PIK3C3: variants seen among roughly 807,000 people sequenced by gnomAD.
PIK3C3 encodes the protein PI3-kinase type 3.
A neutral mutation model predicts 126.1 loss-of-function variants in PIK3C3; 95 were observed. The ratio of observed to expected loss-of-function variants is 0.75; its 90% CI spans 0.64 to 0.89. PIK3C3 has a LOEUF of 0.89. Ranked by LOEUF, PIK3C3 falls within the 40% of genes least tolerant of loss-of-function variation. The probability of loss-of-function intolerance (pLI) is 0.00; values close to 1 mark genes in which losing one functional copy is unlikely to be tolerated. For missense variants in PIK3C3, 829 were observed against 1,063.2 expected, an observed-to-expected ratio of 0.78 and a Z score of 3.06; for synonymous variants, 374 against 360.0, an observed-to-expected ratio of 1.04 and a Z score of -0.44.
chr18:42,064,728 G>C lies in PIK3C3; in HGVS notation c.2433-12G>C. ...AATCGTTGCTATTTTTTTCTTTTCT[G>C]CTCTTCTTTAGGTATTCTAATCTGA... On this transcript the variant is annotated splice_polypyrimidine_tract_variant and intron_variant, in intron 22 of 24. Coordinates refer to ENST00000262039, the MANE Select transcript of PIK3C3 (RefSeq NM_002647.4). 1 of 1,384,668 alleles carries C rather than the reference G, an allele frequency of 7.2e-7. No individual in the cohort carries two copies. The highest frequency in any genetic ancestry group is 1.2e-5 in the South Asian group (1 of 83,664). 85.8% of individuals were successfully genotyped at this position (1,384,668 alleles called of 1,614,324 possible). A position where few individuals can be genotyped will look rare whatever the true frequency, so the allele number is the denominator to read the frequency against.
chr18:42,065,210 A>G (rs1176918650), intron 23 of PIK3C3, among the ~76,000 whole-genome samples: 1 of 152,084 alleles, frequency 6.6e-6, no homozygotes, highest in Non-Finnish European at 1.5e-5. Flanking sequence ...TCTTTTTTTT[A>G]ATAACTAGAT....
chr18:42,022,549 A>G (rs1186024592), intron 13 of PIK3C3, among the ~76,000 whole-genome samples: 2 of 152,110 alleles, frequency 1.3e-5, no homozygotes, highest in Non-Finnish European at 2.9e-5. Flanking sequence ...TTAAGCCTTT[A>G]TGGTTCTCTT....
rs191993925 is a variant in PIK3C3 at position 41,993,353 on chromosome 18, T to C, written c.786+12T>C. The C allele has an allele frequency of 1.3e-5, 21 of 1,563,016 alleles. No homozygotes were observed. The Admixed American group carries it at 3.5e-4, about 26-fold the overall frequency. ...CCCAGATGTCTATGGTAAGTTATTGTGCAATTTTTTTATGAAAGTACTTTT... is the reference window on the plus strand; with the variant it reads ...CCCAGATGTCTATGGTAAGTTATTGCGCAATTTTTTTATGAAAGTACTTTT... On this transcript the variant is annotated intron_variant, in intron 7 of 24. Transcript: ENST00000262039.
rs1446495173 is a variant in PIK3C3 at position 42,086,803 on chromosome 18, A to T, written c.*5666A>T. On this transcript the variant is annotated 3_prime_UTR_variant, in exon 25 of 25. Coordinates refer to ENST00000262039, the MANE Select transcript of PIK3C3 (RefSeq NM_002647.4). ...CTTGTTTAGCATATGATCAAGAAAT[A>T]ATCATTAAAAAATAGCCAACCAGCA... The T allele has an allele frequency of 1.3e-4, 20 of 152,162 alleles. No homozygotes were observed. 9.4% of individuals were successfully genotyped at this position (152,162 alleles called of 1,614,324 possible). A position where few individuals can be genotyped will look rare whatever the true frequency, so the allele number is the denominator to read the frequency against.
chr18:42,045,021 C>G (rs1486854685), intron 20 of PIK3C3, among the ~76,000 whole-genome samples: 4 of 152,120 alleles, frequency 2.6e-5, no homozygotes, highest in Non-Finnish European at 4.4e-5. Flanking sequence ...TGTGAAGTCA[C>G]CTTCCAAATT....
intron 22 of PIK3C3, among the ~76,000 whole-genome samples, chr18:42,060,289 A>T (rs1342018305): frequency 6.6e-6 from 1 of 152,178 alleles, no homozygotes; most frequent in Non-Finnish European, 1.5e-5. Context: ...ATTGTACCAC[A>T]TAAGCAGAGT....
At chr18:42,015,603 A>G in intron 12 of PIK3C3, 37 bp downstream of exon 12, 1 of 1,367,872 alleles carries the variant, frequency 7.3e-7, no homozygotes, top group Non-Finnish European at 1.0e-6. Context: ...TATAGGAGAG[A>G]TCCTACTGCA....
In PIK3C3 at chr18:42,047,484, T is replaced by C. The variant is rs143315796; in HGVS notation, c.2189-2047T>C. Among the ~76,000 whole-genome samples the C allele has an allele frequency of 2.0e-3, 298 of 152,274 alleles. 2 individuals are homozygous for C. Among genetic ancestry groups the C allele is most frequent in the Non-Finnish European group, 3.6e-3 (247 of 68,014 alleles). ...TTTTCAATGGGGAGTCTGTAGTCATTTTTGAAATTGCATGTATTGTGGCAG... is the reference window on the plus strand; with the variant it reads ...TTTTCAATGGGGAGTCTGTAGTCATCTTTGAAATTGCATGTATTGTGGCAG... On this transcript the variant is annotated intron_variant, in intron 20 of 24. Transcript: ENST00000262039.
At chr18:42,043,273 A>G (rs953626378) in intron 19 of PIK3C3, among the ~76,000 whole-genome samples, 1 of 151,900 alleles carries the variant, frequency 6.6e-6, no homozygotes, top group African/African-American at 2.4e-5. Flanking sequence ...TTTGTATTTT[A>G]GTAGAGACTG....
Position 41,964,420 on chromosome 18 carries a change from T to C in PIK3C3, c.401+1788T>C, listed in dbSNP as rs1980253383. On this transcript the variant is annotated intron_variant, in intron 3 of 24. Transcript: ENST00000262039. Reference sequence around the variant, plus strand: ...CAGATTATTTAATCTTATGCCTCAATGTCTTCATATGTTAAATGAAAGAAC... The same window carrying C: ...CAGATTATTTAATCTTATGCCTCAACGTCTTCATATGTTAAATGAAAGAAC... Among the ~76,000 whole-genome samples, 3 of 152,110 alleles carry C rather than the reference T, an allele frequency of 2.0e-5. No individual in the cohort carries two copies. In the South Asian group the frequency reaches 6.2e-4, roughly 31 times the overall value.
chr18:42,078,250 G>A (rs544926483), intron 24 of PIK3C3, among the ~76,000 whole-genome samples: 148 of 151,558 alleles, frequency 9.8e-4, no homozygotes, highest in African/African-American at 2.9e-3. Context: ...GGTGGCGGGC[G>A]CCTGTAGTCC....
chr18:41,955,351 G>T lies in PIK3C3; in HGVS notation c.60G>T (p.Gln20His). ...IYSCDLDINV[Q>H]LKIGSLEGKR... ...GTTGTGACCTGGATATCAACGTCCA[G>T]CTTAAGATGTAAGAGAACACTCGGG... Residue 20 changes from glutamine (Q) to histidine (H), a missense_variant, in exon 1 of 25, where the codon CAG becomes CAT. By Grantham distance (24) the Gln-to-His change is conservative. This residue lies in a region of PIK3C3 where 313 missense variants were observed against 340.7 expected (regional missense o/e 0.92). Transcript: ENST00000262039. 1 of 1,613,288 alleles carries T rather than the reference G, an allele frequency of 6.2e-7. No homozygotes were observed. The highest frequency in any genetic ancestry group is 8.5e-7 in the Non-Finnish European group (1 of 1,179,510).
chr18:42,037,658 G>A (rs1984115357), intron 16 of PIK3C3, 34 bp from the exon 17 acceptor site: 3 of 1,584,666 alleles, frequency 1.9e-6, no homozygotes, highest in African/African-American at 1.3e-5. Flanking sequence ...ATTAATTCAT[G>A]GCCAAATTTG....
rs144463428 is a variant in PIK3C3, at chr18:42,081,033, A to G, written c.2650-90A>G. 1,581 of 731,658 alleles carry G rather than the reference A, an allele frequency of 2.2e-3. 5 individuals are homozygous for G. The highest frequency in any genetic ancestry group is 3.3e-3 in the Non-Finnish European group (1,441 of 437,794). 45.3% of individuals were successfully genotyped at this position (731,658 alleles called of 1,614,324 possible). A position where few individuals can be genotyped will look rare whatever the true frequency, so the allele number is the denominator to read the frequency against. On this transcript the variant is annotated intron_variant, in intron 24 of 24. Coordinates refer to ENST00000262039, the MANE Select transcript of PIK3C3 (RefSeq NM_002647.4). ...TAATTAATGCACTTTTTATTTTATT[A>G]GTAGTCTTTTTTAAAACTATAGACT...
At chr18:42,044,821 G>A (rs571874309) in intron 20 of PIK3C3, among the ~76,000 whole-genome samples, 1 of 152,312 alleles carries the variant, frequency 6.6e-6, no homozygotes, top group African/African-American at 2.4e-5. Context: ...CAGGATGTAT[G>A]ATGTGTTATA....
At chr18:42,062,178 A>C (rs970244073) in intron 22 of PIK3C3, among the ~76,000 whole-genome samples, 1 of 151,984 alleles carries the variant, frequency 6.6e-6, no homozygotes, top group Non-Finnish European at 1.5e-5. Context: ...GGAAAAAATT[A>C]TGTACCTATG....
Position 42,083,633 on chromosome 18 carries a change from A to G in PIK3C3, c.*2496A>G, listed in dbSNP as rs757838016. ...TGGGTATATATTATAATAACAGTCAACATGATGTAGGGGCTCAGTATTACA... is the reference window on the plus strand; with the variant it reads ...TGGGTATATATTATAATAACAGTCAGCATGATGTAGGGGCTCAGTATTACA... On this transcript the variant is annotated 3_prime_UTR_variant, in exon 25 of 25. Coordinates refer to ENST00000262039, the MANE Select transcript of PIK3C3 (RefSeq NM_002647.4). 6.6e-6 allele frequency: 1 copy of G among 152,226 alleles called. No individual in the cohort carries two copies. The highest frequency in any genetic ancestry group is 1.5e-5 in the Non-Finnish European group (1 of 68,038). 9.4% of individuals were successfully genotyped at this position (152,226 alleles called of 1,614,324 possible).
Position 41,979,064 on chromosome 18 carries a change from T to TAAAA in PIK3C3, c.531+8628_531+8631dup, listed in dbSNP as rs5824388. Among the ~76,000 whole-genome samples the TAAAA allele has an allele frequency of 8.0e-4, 75 of 93,750 alleles. 1 individual carries two copies. Among genetic ancestry groups the TAAAA allele is most frequent in the African/African-American group, 2.7e-3 (64 of 23,420 alleles). 61.5% of individuals were successfully genotyped at this position (93,750 alleles called of 152,430 possible). A position where few individuals can be genotyped will look rare whatever the true frequency, so the allele number is the denominator to read the frequency against. Reference sequence around the variant, plus strand: ...GAGTAACATAAGAGACCCCGTCTCTTAAAAAAAAAAAAAAAAAAAAAAAGA... The same window carrying TAAAA: ...GAGTAACATAAGAGACCCCGTCTCTTAAAAAAAAAAAAAAAAAAAAAAAAAAAGA... On this transcript the variant is annotated intron_variant, in intron 4 of 24. Transcript: ENST00000262039.
At chr18:41,957,288 T>G (rs1979829405) in intron 1 of PIK3C3, among the ~76,000 whole-genome samples, 1 of 152,200 alleles carries the variant, frequency 6.6e-6, no homozygotes, top group Admixed American at 6.5e-5. Flanking sequence ...TGGCAGCGTT[T>G]AAAATTCAGA....
Sources: gnomAD v4.1 joint callset for allele counts (sites outside exome capture counted in the v4.1 genomes callset) on GRCh38, gnomAD v4.1.1 for gene constraint, gnomAD v4.1.1 regional missense constraint, MANE v1.5 for transcripts, NCBI Gene and HGNC (gene_info 2026-07-23, HGNC 2026-07-21) for gene names.